The following RUNX3 variants were observed in gnomAD, a reference collection of about 807,000 sequenced individuals.
RUNX3 encodes the protein runt-related transcription factor 3.
In RUNX3, 10 loss-of-function variants were observed where a neutral mutation model predicts 27.7. That is an observed-to-expected ratio of 0.36 (90% CI 0.22 to 0.61). The LOEUF (loss-of-function observed/expected upper bound fraction) is 0.61, where lower values mean the gene tolerates loss of function less well. Ranked by LOEUF, RUNX3 falls within the 20% of genes least tolerant of loss-of-function variation. The pLI, the probability that RUNX3 is intolerant of heterozygous loss-of-function variation, is 0.72. For synonymous variants in RUNX3, 270 were observed against 269.2 expected, an observed-to-expected ratio of 1.00 and a Z score of -0.03; for missense variants, 469 against 629.5, an observed-to-expected ratio of 0.75 and a Z score of 2.73.
Position 24,929,779 on chromosome 1 carries a change from G to A in RUNX3, c.90C>T (p.Gly30=). Residue 30 remains glycine (G), a synonymous_variant, in exon 1 of 5, where the codon GGC becomes GGT. Transcript: ENST00000308873. ...GCGCGCTCAGCGCGCCGCTGTTCTC[G>A]CCCATCTTGCCGCCGCCGCCGCCGC... ...FPCGGGGGKM[G]ENSGALSAQA... The A allele has an allele frequency of 6.9e-7, 1 of 1,439,818 alleles. No individual in the cohort carries two copies. The highest frequency in any genetic ancestry group is 9.0e-7 in the Non-Finnish European group (1 of 1,105,332). 89.2% of individuals were successfully genotyped at this position (1,439,818 alleles called of 1,614,324 possible).
At position 24,930,072 on chromosome 1, in the gene RUNX3, CGCCCGCAGCCT is replaced by C. The variant is rs1474363660; in HGVS notation, c.-215_-205del. ...TGCGAGGCCTCGCTGGCCCGACGGC[CGCCCGCAGCCT>C]GCCCGGCTAGTCCCGCATCCTCGGC... On this transcript the variant is annotated 5_prime_UTR_variant, in exon 1 of 5. Transcript: ENST00000308873. The surrounding 1 kb of genome is among the most constrained non-coding windows in gnomAD (Gnocchi z 4.1). 21 of 980,212 alleles carry C rather than the reference CGCCCGCAGCCT, an allele frequency of 2.1e-5. No homozygotes were observed. The highest frequency in any genetic ancestry group is 2.5e-5 in the Non-Finnish European group (21 of 827,940). The allele number at this position is 980,212 out of a possible 1,614,324, so 60.7% of individuals were successfully genotyped here.
chr1:24,915,796 C>T (rs980099112), intron 3 of RUNX3, among the ~76,000 whole-genome samples: 2 of 152,148 alleles, frequency 1.3e-5, no homozygotes, highest in Admixed American at 6.5e-5. Flanking sequence ...GTAACGGGCA[C>T]AGGCTAGGGG....
At chr1:24,956,550 T>C (rs1641930814) in intron 2 of RUNX3, among the ~76,000 whole-genome samples, 1 of 152,176 alleles carries the variant, frequency 6.6e-6, no homozygotes, top group Non-Finnish European at 1.5e-5. Context: ...CTTTATCACT[T>C]CTGACTTGGA....
chr1:24,957,198 G>A (rs1210137564), intron 2 of RUNX3, among the ~76,000 whole-genome samples: 3 of 152,168 alleles, frequency 2.0e-5, no homozygotes. Flanking sequence ...AAACCTTCAC[G>A]CTGCCTGCAC....
At chr1:24,952,753 T>C (rs1162434587) in intron 2 of RUNX3, among the ~76,000 whole-genome samples, 1 of 152,178 alleles carries the variant, frequency 6.6e-6, no homozygotes, top group Non-Finnish European at 1.5e-5. Flanking sequence ...AATGTCTCCA[T>C]CATACAGATG....
At chr1:24,948,140 G>A (rs1208887914) in intron 2 of RUNX3, among the ~76,000 whole-genome samples, 2 of 152,342 alleles carry the variant, frequency 1.3e-5, no homozygotes, top group African/African-American at 2.4e-5. Context: ...ACAGGAGCTC[G>A]TGGCAGGTGT....
intron 2 of RUNX3, among the ~76,000 whole-genome samples, chr1:24,963,454 C>T (rs1642172990): frequency 6.6e-6 from 1 of 152,206 alleles, no homozygotes; most frequent in South Asian, 2.1e-4. Flanking sequence ...AGATCTCATG[C>T]AGCCTCTCTG....
chr1:24,929,090 G>A (rs1250918526), intron 1 of RUNX3: 1 of 459,016 alleles, frequency 2.2e-6, no homozygotes. Flanking sequence ...GCAGTGCCCC[G>A]ATCCCGGCCT....
chr1:24,938,568 G>A (rs1641401791), intron 2 of RUNX3, among the ~76,000 whole-genome samples: 1 of 152,150 alleles, frequency 6.6e-6, no homozygotes, highest in South Asian at 2.1e-4. Flanking sequence ...TCCAGGCCTG[G>A]AAATCACAGC....
At chr1:24,944,450 T>A (rs1289101337) in intron 2 of RUNX3, among the ~76,000 whole-genome samples, 2 of 152,216 alleles carry the variant, frequency 1.3e-5, no homozygotes, top group Non-Finnish European at 2.9e-5. Context: ...GTAGGCAGAA[T>A]AATGGCCACA....
chr1:24,927,721 A>C lies in RUNX3; in HGVS notation c.292T>G (p.Leu98Val). ...ACCGTACCATCCGGCACGTCCCCCA[A>C]TGCCACCACCTGAAGACACGGGGCG... is the stretch of plus-strand genomic sequence containing the variant. ...TLPVAFKVVALGDVPDGTVVT... is the reference protein window; with the variant it reads ...TLPVAFKVVAVGDVPDGTVVT... The change falls in exon 2 of 5, where the codon TTG becomes GTG. Residue 98 changes from leucine to valine, a missense_variant. This residue lies in a region of RUNX3 where 75 missense variants were observed against 168.5 expected (regional missense o/e 0.45). Transcript: ENST00000308873. This position sits in a 1 kb window ranked among gnomAD's most constrained non-coding sequence, Gnocchi z 5.0. 6.2e-7 allele frequency: 1 copy of C among 1,612,746 alleles called. No individual in the cohort carries two copies. Among genetic ancestry groups the C allele is most frequent in the Non-Finnish European group, 8.5e-7 (1 of 1,179,216 alleles).
Position 24,927,184 on chromosome 1 carries a change from G to A in RUNX3, c.439+390C>T, listed in dbSNP as rs550171864. Among the ~76,000 whole-genome samples, 8 of 152,180 alleles carry A rather than the reference G, an allele frequency of 5.3e-5. No individual in the cohort carries two copies. The South Asian group carries it at 1.7e-3, about 32-fold the overall frequency. On this transcript the variant is annotated intron_variant, in intron 2 of 4. Coordinates refer to ENST00000308873, the MANE Select transcript of RUNX3 (RefSeq NM_004350.3). This position sits in a 1 kb window ranked among gnomAD's most constrained non-coding sequence, Gnocchi z 5.0. Reference sequence around the variant, plus strand: ...ATGGAGAGAGTGGCTGGGGTGCTTGGGCCCCACAGATCAGGGACTTGTCCT... The same window carrying A: ...ATGGAGAGAGTGGCTGGGGTGCTTGAGCCCCACAGATCAGGGACTTGTCCT...
At chr1:24,957,984 C>T (rs1422414538) in intron 2 of RUNX3, among the ~76,000 whole-genome samples, 1 of 152,244 alleles carries the variant, frequency 6.6e-6, no homozygotes, top group Non-Finnish European at 1.5e-5. Flanking sequence ...AGTCTTGTGC[C>T]TGCTCAGCCC....
upstream of RUNX3, among the ~76,000 whole-genome samples, chr1:24,933,027 T>G (rs1421324063): frequency 6.6e-6 from 1 of 152,222 alleles, no homozygotes; most frequent in Non-Finnish European, 1.5e-5. Flanking sequence ...TTCGTCTCCC[T>G]CTGGCATTTA....
In RUNX3 at chr1:24,927,090, T is replaced by G. The variant is rs889736892; in HGVS notation, c.439+484A>C. 6.6e-6 allele frequency among the ~76,000 whole-genome samples: 1 copy of G among 152,122 alleles called. No individual in the cohort carries two copies. The highest frequency in any genetic ancestry group is 2.4e-5 in the African/African-American group (1 of 41,422). ...TAGACCACCTAGGGCTCAAAGGCGC[T>G]GGGAAACTGGGTCTGGGAGACCACA... On this transcript the variant is annotated intron_variant, in intron 2 of 4. Coordinates refer to ENST00000308873, the MANE Select transcript of RUNX3 (RefSeq NM_004350.3). This position sits in a 1 kb window ranked among gnomAD's most constrained non-coding sequence, Gnocchi z 5.0.
At chr1:24,952,364 T>C (rs944737766) in intron 2 of RUNX3, among the ~76,000 whole-genome samples, 4 of 152,202 alleles carry the variant, frequency 2.6e-5, no homozygotes, top group African/African-American at 9.7e-5. Context: ...CAGTTGAGCA[T>C]ACACTATTTT....
chr1:24,954,591 G>A (rs899941172), intron 2 of RUNX3, among the ~76,000 whole-genome samples: 11 of 152,294 alleles, frequency 7.2e-5, no homozygotes, highest in African/African-American at 2.6e-4. Context: ...TTTTCATTTT[G>A]CACTGTGCCC....
chr1:24,933,458 C>G (rs771965629), upstream of RUNX3, among the ~76,000 whole-genome samples: 1 of 152,118 alleles, frequency 6.6e-6, no homozygotes, highest in East Asian at 1.9e-4. Context: ...TTGACCCACC[C>G]CTCCTCTCTC....
intron 2 of RUNX3, among the ~76,000 whole-genome samples, chr1:24,938,829 T>G (rs1030807791): frequency 6.6e-6 from 1 of 151,820 alleles, no homozygotes; most frequent in Non-Finnish European, 1.5e-5. Flanking sequence ...AAACAGGGAG[T>G]CCAGGACCTC....
Sources: gnomAD v4.1 joint callset for allele counts (sites outside exome capture counted in the v4.1 genomes callset) on GRCh38, gnomAD v4.1.1 for gene constraint, gnomAD v4.1.1 regional missense constraint, Gnocchi (gnomAD v3.1) non-coding constraint, MANE v1.5 for transcripts, NCBI Gene and HGNC (gene_info 2026-07-23, HGNC 2026-07-21) for gene names.